The following TBXAS1 variants were observed in gnomAD, a reference collection of about 807,000 sequenced individuals.
The protein encoded by TBXAS1 is thromboxane A synthase 1, also known as thromboxane-A synthase.
Under a neutral mutation model 60.7 loss-of-function variants are expected in TBXAS1, and 48 were observed. The ratio of observed to expected loss-of-function variants is 0.79; its 90% CI spans 0.63 to 1.01. The LOEUF (loss-of-function observed/expected upper bound fraction) is 1.01. TBXAS1 is among the 50% of genes least tolerant of loss of function. TBXAS1 has a pLI of 0.00. For synonymous variants in TBXAS1, 287 were observed against 269.7 expected (o/e 1.06, Z -0.63); for missense variants, 685 against 686.3 (o/e 1.00, Z 0.02).
intron 1 of TBXAS1, among the ~76,000 whole-genome samples, chr7:139,859,089 G>T (rs536072272): frequency 1.3e-5 from 2 of 151,972 alleles, no homozygotes. Context: ...TGGTCAGGCT[G>T]GTCTCAAACT....
chr7:139,810,965 T>A (rs1798009611), intron 4 of TBXAS1, among the ~76,000 whole-genome samples: 1 of 152,222 alleles, frequency 6.6e-6, no homozygotes, highest in African/African-American at 2.4e-5. Flanking sequence ...GAATTATATG[T>A]TTCTGAAAAC....
At chr7:139,816,923 T>C (rs1798163149) in intron 4 of TBXAS1, among the ~76,000 whole-genome samples, 1 of 152,146 alleles carries the variant, frequency 6.6e-6, no homozygotes, top group South Asian at 2.1e-4. Flanking sequence ...CCTAGTCACC[T>C]GTGAGCTGCG....
intron 2 of TBXAS1, among the ~76,000 whole-genome samples, chr7:139,781,629 T>G (rs1414969098): frequency 6.6e-6 from 1 of 151,872 alleles, no homozygotes; most frequent in Non-Finnish European, 1.5e-5. Context: ...GTCAAGAGTT[T>G]GAGACCAGCC....
intron 9 of TBXAS1, among the ~76,000 whole-genome samples, chr7:139,991,915 C>T (rs1426084345): frequency 6.6e-6 from 1 of 152,184 alleles, no homozygotes; most frequent in East Asian, 1.9e-4. Flanking sequence ...AGCCTAGGCA[C>T]CAGAGCTCGA....
At chr7:139,929,304 C>T (rs754734540) in intron 4 of TBXAS1, among the ~76,000 whole-genome samples, 1 of 152,214 alleles carries the variant, frequency 6.6e-6, no homozygotes, top group Non-Finnish European at 1.5e-5. Context: ...CCCTGACGCA[C>T]GTGGCCCCTG....
At chr7:140,014,375 G>A (rs1267084603) in intron 10 of TBXAS1, among the ~76,000 whole-genome samples, 2 of 152,166 alleles carry the variant, frequency 1.3e-5, no homozygotes, top group African/African-American at 4.8e-5. Flanking sequence ...GGAAGAGGCC[G>A]GGTCTGTGGG....
intron 1 of TBXAS1, among the ~76,000 whole-genome samples, chr7:139,853,778 A>T (rs1303539828): frequency 6.6e-6 from 1 of 152,216 alleles, no homozygotes; most frequent in Admixed American, 6.5e-5. Context: ...GACTAAGCCC[A>T]CATGATGGAA....
chr7:139,999,624 A>G lies in TBXAS1; in HGVS notation c.1135-7467A>G, dbSNP rs1373073356. On this transcript the variant is annotated intron_variant, in intron 9 of 12. Transcript: ENST00000448866. The surrounding 1 kb of genome is among the most constrained non-coding windows in gnomAD (Gnocchi z 4.3). ...TTTCCACGGCTTGGTTTCATATTAT[A>G]GTCCCACGGTCCCTGGAGAATCAGA... is the stretch of plus-strand genomic sequence containing the variant. Among the ~76,000 whole-genome samples the G allele has an allele frequency of 1.3e-5, 2 of 152,216 alleles. No individual in the cohort carries two copies. Among genetic ancestry groups the G allele is most frequent in the African/African-American group, 4.8e-5 (2 of 41,460 alleles).
At chr7:139,968,004 G>A (rs970009184) in intron 9 of TBXAS1, among the ~76,000 whole-genome samples, 5 of 152,164 alleles carry the variant, frequency 3.3e-5, no homozygotes, top group Admixed American at 2.6e-4. Context: ...AGGACCAGTC[G>A]GTCCAGCTCA....
At position 139,999,378 on chromosome 7, in the gene TBXAS1, C is replaced by T. The variant is rs931157414; in HGVS notation, c.1135-7713C>T. 2.0e-5 allele frequency among the ~76,000 whole-genome samples: 3 copies of T among 152,112 alleles called. No homozygotes were observed. Among genetic ancestry groups the T allele is most frequent in the Non-Finnish European group, 4.4e-5 (3 of 68,030 alleles). ...CGTCTCTATAAAAATACAATAACTA[C>T]GTGGGCATGGTGGTGAGCGCCTGTA... On this transcript the variant is annotated intron_variant, in intron 9 of 12. Transcript: ENST00000448866. This position sits in a 1 kb window ranked among gnomAD's most constrained non-coding sequence, Gnocchi z 4.3.
intron 3 of TBXAS1, among the ~76,000 whole-genome samples, chr7:139,886,640 C>T (rs933236175): frequency 6.6e-6 from 1 of 152,178 alleles, no homozygotes; most frequent in African/African-American, 2.4e-5. Context: ...CAGGTACTCC[C>T]TGGCTTGTGC....
chr7:139,979,763 T>TAAA (rs1491322638), intron 9 of TBXAS1, among the ~76,000 whole-genome samples: 3 of 128,912 alleles, frequency 2.3e-5, no homozygotes, highest in African/African-American at 8.4e-5. Flanking sequence ...ATAATAATAA[T>TAAA]AATAAATAAA....
At chr7:139,933,641 T>C (rs1411460116) in intron 4 of TBXAS1, among the ~76,000 whole-genome samples, 1 of 152,240 alleles carries the variant, frequency 6.6e-6, no homozygotes, top group Non-Finnish European at 1.5e-5. Flanking sequence ...CCTCTCTAGA[T>C]ACTTTGCAGT....
At chr7:139,902,558 C>T (rs1569511025) in intron 3 of TBXAS1, among the ~76,000 whole-genome samples, 1 of 152,120 alleles carries the variant, frequency 6.6e-6, no homozygotes. Context: ...CTATTACAAA[C>T]AAAGCTGCTG....
intron 4 of TBXAS1, among the ~76,000 whole-genome samples, chr7:139,924,560 C>T (rs1277489185): frequency 1.3e-5 from 2 of 151,942 alleles, no homozygotes; most frequent in Admixed American, 1.3e-4. Context: ...TTATTATTCC[C>T]TTGCCAGATG....
chr7:140,010,396 G>C (rs547728429), intron 10 of TBXAS1, among the ~76,000 whole-genome samples: 54 of 152,300 alleles, frequency 3.5e-4, no homozygotes, highest in East Asian at 1.9e-4. Context: ...CAGCAGCCCT[G>C]TCTGAGCGCC....
intron 9 of TBXAS1, among the ~76,000 whole-genome samples, chr7:139,973,471 G>T (rs1463444347): frequency 6.6e-6 from 1 of 151,950 alleles, no homozygotes; most frequent in Non-Finnish European, 1.5e-5. Flanking sequence ...TTATGGCCCA[G>T]ACACTCCTTT....
intron 5 of TBXAS1, among the ~76,000 whole-genome samples, chr7:139,947,608 A>G (rs1307243546): frequency 6.6e-6 from 1 of 152,250 alleles, no homozygotes; most frequent in Non-Finnish European, 1.5e-5. Context: ...AAGAATCTCC[A>G]GGTTATGCAG....
At chr7:139,903,615 T>C (rs1044066401) in intron 3 of TBXAS1, among the ~76,000 whole-genome samples, 8 of 152,090 alleles carry the variant, frequency 5.3e-5, no homozygotes, top group Non-Finnish European at 8.8e-5. Flanking sequence ...TACTGTTTTT[T>C]TAATTATTAT....
Sources: allele counts gnomAD v4.1 joint callset (sites outside exome capture counted in the v4.1 genomes callset), GRCh38; gene constraint gnomAD v4.1.1; non-coding constraint Gnocchi (gnomAD v3.1); transcripts MANE v1.5; gene names NCBI Gene and HGNC (gene_info 2026-07-23, HGNC 2026-07-21).